Variants in S1PR5 observed in about 807,000 individuals in gnomAD.
S1PR5 encodes sphingosine-1-phosphate receptor 5.
For missense variants in S1PR5, 583 were observed against 571.7 expected (o/e 1.02, Z -0.20); for synonymous variants, 307 against 284.7 (o/e 1.08, Z -0.79).
rs902790854 is a variant in S1PR5 at position 10,513,999 on chromosome 19, G to A, written c.1013C>T (p.Ser338Leu). ...CCCGGAAGCCTCAGCCGCGCTCGCC[G>A]ACTGCTGGGAGCCACTCGGGTCTCT... ...CGRDPSGSQQ[S>L]ASAAEASGGL... is the part of the protein sequence containing the mutation. The change falls in exon 2 of 2, where the codon TCG becomes TTG. Residue 338 changes from serine (S) to leucine (L), a missense_variant. By Grantham distance (145) the Ser-to-Leu change is moderately radical (BLOSUM62 -2). Coordinates refer to ENST00000333430, the MANE Select transcript of S1PR5 (RefSeq NM_030760.5). 1.9e-6 allele frequency: 3 copies of A among 1,603,842 alleles called. No homozygotes were observed. Among genetic ancestry groups the A allele is most frequent in the Non-Finnish European group, 2.6e-6 (3 of 1,176,356 alleles).
chr19:10,515,393 C>T (rs149269629), intron 1 of S1PR5, among the ~76,000 whole-genome samples: 4 of 152,108 alleles, frequency 2.6e-5, no homozygotes, highest in African/African-American at 4.8e-5. Flanking sequence ...GGGCAGATCA[C>T]GAGGTCAGGA....
chr19:10,516,990 A>G (rs1425431609), intron 1 of S1PR5: 3 of 152,354 alleles, frequency 2.0e-5, no homozygotes, highest in Non-Finnish European at 4.4e-5. Context: ...AGCTTCAGTC[A>G]CACACAGAGA....
rs963448810 is a variant in S1PR5 at position 10,513,678 on chromosome 19, A to G, written c.*137T>C. 1 of 1,253,286 alleles carries G rather than the reference A, an allele frequency of 8.0e-7. No homozygotes were observed. The highest frequency in any genetic ancestry group is 1.5e-5 in the African/African-American group (1 of 64,692). The allele number at this position is 1,253,286 out of a possible 1,614,324, so 77.6% of individuals were successfully genotyped here. On this transcript the variant is annotated 3_prime_UTR_variant, in exon 2 of 2. Coordinates refer to ENST00000333430, the MANE Select transcript of S1PR5 (RefSeq NM_030760.5). ...ACAGATTTTTTGTCTGTTTGTTCAC[A>G]TTGTGGGGTGTCGCTGCATAAATAC...
chr19:10,514,119 T>C lies in S1PR5; in HGVS notation c.893A>G (p.Asn298Ser), dbSNP rs1026036867. Reference sequence around the variant, plus strand: ...GTAGATGATGGGGTTCAGAAGTGAGTTGGCCATGGCCAGTCCCAGGAAGGG... The same window carrying C: ...GTAGATGATGGGGTTCAGAAGTGAGCTGGCCATGGCCAGTCCCAGGAAGGG... ...ADPFLGLAMANSLLNPIIYTL... is the reference protein window; with the variant it reads ...ADPFLGLAMASSLLNPIIYTL... The change falls in exon 2 of 2, where the codon AAC (asparagine) becomes AGC (serine). Residue 298 changes from asparagine (N) to serine (S), a missense_variant. By Grantham distance (46) the Asn-to-Ser change is conservative. Coordinates refer to ENST00000333430, the MANE Select transcript of S1PR5 (RefSeq NM_030760.5). The C allele has an allele frequency of 6.2e-6, 10 of 1,612,806 alleles. No individual in the cohort carries two copies. The African/African-American group carries it at 9.3e-5, about 15-fold the overall frequency.
At chr19:10,517,517 C>T (rs1915467317), upstream of S1PR5, 5 of 985,412 alleles carry the variant, frequency 5.1e-6, no homozygotes, top group Non-Finnish European at 6.0e-6. Flanking sequence ...CGCAAAGGGC[C>T]GGCGGTCGCC....
chr19:10,513,901 C>A lies in S1PR5; in HGVS notation c.1111G>T (p.Asp371Tyr). The A allele has an allele frequency of 6.2e-7, 1 of 1,609,608 alleles. No individual in the cohort carries two copies. The highest frequency in any genetic ancestry group is 8.5e-7 in the Non-Finnish European group (1 of 1,178,994). The change falls in exon 2 of 2, where the codon GAC becomes TAC. Residue 371 changes from aspartate to tyrosine, a missense_variant. Coordinates refer to ENST00000333430, the MANE Select transcript of S1PR5 (RefSeq NM_030760.5). ...GTGGAGCCGCTGGTGTCCAGCCCGT[C>A]GCGCTGGGGCGATGAGCGCTCCGAG... The part of the protein sequence containing the change: ...SGSERSSPQR[D>Y]GLDTSGSTGS...
intron 1 of S1PR5, among the ~76,000 whole-genome samples, chr19:10,516,005 G>T (rs183938748): frequency 6.6e-6 from 1 of 151,910 alleles, no homozygotes; most frequent in Admixed American, 6.6e-5. Flanking sequence ...GCACACAAAC[G>T]CAACACACAC....
intron 1 of S1PR5, among the ~76,000 whole-genome samples, chr19:10,515,339 A>AGGCTCAGGCCTGAGGCAGT (rs1915412423): frequency 6.6e-6 from 1 of 151,876 alleles, no homozygotes; most frequent in Admixed American, 6.6e-5. Flanking sequence ...TAATCCCCCC[A>AGGCTCAGGCCTGAGGCAGT]GGCTCAGGCC....
chr19:10,514,096 AG>A lies in S1PR5; in HGVS notation c.915del (p.Tyr306ThrfsTer153). 1 of 1,612,934 alleles carries A rather than the reference AG, an allele frequency of 6.2e-7. No homozygotes were observed. Among genetic ancestry groups the A allele is most frequent in the Non-Finnish European group, 8.5e-7 (1 of 1,179,828 alleles). ...CGCAGGTCGCGGTTGGTGAGCGTGTAGATGATGGGGTTCAGAAGTGAGTTGG... is the reference window on the plus strand; with the variant it reads ...CGCAGGTCGCGGTTGGTGAGCGTGTAATGATGGGGTTCAGAAGTGAGTTGG... ...AMANSLLNPI[I>X]YTLTNRDLRH... On this transcript the variant is annotated frameshift_variant, in exon 2 of 2. Transcript: ENST00000333430. LOFTEE classifies it low-confidence loss of function (END_TRUNC).
At position 10,514,028 on chromosome 19, in the gene S1PR5, G is replaced by A. The variant is rs560119222; in HGVS notation, c.984C>T (p.Cys328=). ...GCTGGGAGCCACTCGGGTCTCTGCCGCAGGAGTGGCGTCCGCAGCAGACCA... is the reference window on the plus strand; with the variant it reads ...GCTGGGAGCCACTCGGGTCTCTGCCACAGGAGTGGCGTCCGCAGCAGACCA... ...LRLVCCGRHS[C]GRDPSGSQQS... The change falls in exon 2 of 2, where the codon TGC becomes TGT. Residue 328 remains cysteine (C), a synonymous_variant. Transcript: ENST00000333430. The A allele has an allele frequency of 6.9e-5, 111 of 1,610,500 alleles. No homozygotes were observed. The East Asian group carries it at 2.3e-3, about 33-fold the overall frequency.
intron 1 of S1PR5, among the ~76,000 whole-genome samples, chr19:10,516,816 G>A (rs1262411593): frequency 2.0e-5 from 3 of 152,022 alleles, no homozygotes; most frequent in Non-Finnish European, 4.4e-5. Flanking sequence ...GAAAACTGAA[G>A]CTCAAAAGAA....
At position 10,514,148 on chromosome 19, in the gene S1PR5, G is replaced by T. The variant is rs1281579671; in HGVS notation, c.864C>A (p.Ala288=). Residue 288 remains alanine, a synonymous_variant, in exon 2 of 2, where the codon GCC becomes GCA. Transcript: ENST00000333430. ...PARTCPVLLQ[A]DPFLGLAMAN... is the part of the protein sequence containing the mutation. ...CCATGGCCAGTCCCAGGAAGGGATC[G>T]GCCTGCAGGAGTACAGGACAGGTGC... 6.2e-7 allele frequency: 1 copy of T among 1,612,900 alleles called. No homozygotes were observed. The highest frequency in any genetic ancestry group is 8.5e-7 in the Non-Finnish European group (1 of 1,179,830).
intron 1 of S1PR5, among the ~76,000 whole-genome samples, chr19:10,516,129 A>G (rs1915432059): frequency 6.6e-6 from 1 of 152,100 alleles, no homozygotes; most frequent in Non-Finnish European, 1.5e-5. Flanking sequence ...AGGCAGAAAA[A>G]CACAGCGACC....
In S1PR5 at chr19:10,514,748, G is replaced by A; in HGVS notation, c.264C>T (p.Ala88=). Reference sequence around the variant, plus strand: ...CCGACAGTAGGATGTTGGCGGCGTAGGCGGCGCCTGCCAGCAGATCCGACA... The same window carrying A: ...CCGACAGTAGGATGTTGGCGGCGTAAGCGGCGCCTGCCAGCAGATCCGACA... ...LTLSDLLAGA[A]YAANILLSGP... Residue 88 remains alanine (A), a synonymous_variant, in exon 2 of 2, where the codon GCC becomes GCT. Transcript: ENST00000333430. 6.2e-7 allele frequency: 1 copy of A among 1,612,004 alleles called. No individual in the cohort carries two copies. The highest frequency in any genetic ancestry group is 8.5e-7 in the Non-Finnish European group (1 of 1,179,544).
At chr19:10,515,146 G>T in intron 1 of S1PR5, 117 bp from the exon 2 acceptor site, 1 of 1,319,456 alleles carries the variant, frequency 7.6e-7, no homozygotes, top group Non-Finnish European at 1.0e-6. Context: ...TATACATGGT[G>T]TCCAAGGGGG....
intron 1 of S1PR5, among the ~76,000 whole-genome samples, chr19:10,515,447 G>A (rs773966015): frequency 2.3e-4 from 35 of 151,986 alleles, no homozygotes; most frequent in Non-Finnish European, 4.1e-4. Context: ...CTCCGTCTCT[G>A]CTAAAAACAC....
rs1026036867 is a variant in S1PR5, at chr19:10,514,119, T to G, written c.893A>C (p.Asn298Thr). ...GTAGATGATGGGGTTCAGAAGTGAGTTGGCCATGGCCAGTCCCAGGAAGGG... is the reference window on the plus strand; with the variant it reads ...GTAGATGATGGGGTTCAGAAGTGAGGTGGCCATGGCCAGTCCCAGGAAGGG... ...ADPFLGLAMA[N>T]SLLNPIIYTL... Residue 298 changes from asparagine (N) to threonine (T), a missense_variant, in exon 2 of 2, where the codon AAC becomes ACC. Transcript: ENST00000333430. The G allele has an allele frequency of 6.2e-7, 1 of 1,612,920 alleles. No homozygotes were observed.
chr19:10,515,521 A>G (rs538811901), intron 1 of S1PR5, among the ~76,000 whole-genome samples: 214 of 152,142 alleles, frequency 1.4e-3, no homozygotes, highest in African/African-American at 4.8e-3. Flanking sequence ...GCTGAGGCAG[A>G]AGAATCATTT....
rs1467334246 is a variant in S1PR5, at chr19:10,514,894, C to T, written c.118G>A (p.Ala40Thr). The T allele has an allele frequency of 6.2e-7, 1 of 1,611,594 alleles. No individual in the cohort carries two copies. Among genetic ancestry groups the T allele is most frequent in the Non-Finnish European group, 8.5e-7 (1 of 1,179,076 alleles). The change falls in exon 2 of 2, where the codon GCC (alanine) becomes ACC (threonine). Residue 40 changes from alanine to threonine, a missense_variant. Physicochemically the swap from Ala to Thr is moderately conservative, Grantham distance 58. Transcript: ENST00000333430. ...YQPGAGLRADAVVCLAVCAFI... is the reference protein window; with the variant it reads ...YQPGAGLRADTVVCLAVCAFI... ...GCGCACACCGCCAGGCACACCACGG[C>T]GTCGGCGCGCAGGCCGGCACCCGGC...
Sources: allele counts gnomAD v4.1 joint callset (sites outside exome capture counted in the v4.1 genomes callset), GRCh38; gene constraint gnomAD v4.1.1; transcripts MANE v1.5; gene names NCBI Gene and HGNC (gene_info 2026-07-23, HGNC 2026-07-21).